GRB14: variants seen among roughly 807,000 people sequenced by gnomAD.
The protein encoded by GRB14 is growth factor receptor bound protein 14, also known as growth factor receptor-bound protein 14.
A neutral mutation model predicts 69.1 loss-of-function variants in GRB14; 38 were observed. The observed-to-expected ratio is 0.55, with a 90% CI of 0.42 to 0.72. GRB14 has a LOEUF of 0.72. GRB14 is among the 30% of genes least tolerant of loss of function. The probability of loss-of-function intolerance (pLI) is 0.00; values close to 1 mark genes in which losing one functional copy is unlikely to be tolerated. For synonymous variants in GRB14, 247 were observed against 241.3 expected, an observed-to-expected ratio of 1.02 and a Z score of -0.22; for missense variants, 666 against 666.1, an observed-to-expected ratio of 1.00 and a Z score of 0.00.
intron 2 of GRB14, among the ~76,000 whole-genome samples, chr2:164,564,661 T>G (rs1157535901): frequency 2.0e-5 from 3 of 152,192 alleles, no homozygotes; most frequent in Non-Finnish European, 4.4e-5. Context: ...TGTGTGCTTA[T>G]GAACATCTCC....
At chr2:164,524,064 C>T (rs1687704441) in intron 5 of GRB14, among the ~76,000 whole-genome samples, 1 of 151,932 alleles carries the variant, frequency 6.6e-6, no homozygotes. Context: ...AATCATGTTT[C>T]AAAAATATTC....
intron 2 of GRB14, among the ~76,000 whole-genome samples, chr2:164,571,078 C>G (rs1689112566): frequency 6.6e-6 from 1 of 152,208 alleles, no homozygotes. Flanking sequence ...ATACTTAAGA[C>G]AGGTGGAATC....
At chr2:164,548,527 A>G (rs1688445050) in intron 2 of GRB14, among the ~76,000 whole-genome samples, 1 of 152,184 alleles carries the variant, frequency 6.6e-6, no homozygotes, top group South Asian at 2.1e-4. Context: ...ATGGGAGTGC[A>G]GGCATCTCTG....
intron 2 of GRB14, among the ~76,000 whole-genome samples, chr2:164,599,935 C>T (rs771557126): frequency 6.6e-6 from 1 of 152,062 alleles, no homozygotes; most frequent in African/African-American, 2.4e-5. Flanking sequence ...TGCGAAAACA[C>T]GAAGAAACCA....
chr2:164,522,540 T>G (rs907902515), intron 5 of GRB14, among the ~76,000 whole-genome samples: 1 of 152,156 alleles, frequency 6.6e-6, no homozygotes, highest in Non-Finnish European at 1.5e-5. Flanking sequence ...TTCATCGTTT[T>G]CCATGGTTTT....
At chr2:164,585,453 A>C (rs978142765) in intron 2 of GRB14, among the ~76,000 whole-genome samples, 1 of 152,158 alleles carries the variant, frequency 6.6e-6, no homozygotes, top group Admixed American at 6.5e-5. Context: ...CAGGAAATAG[A>C]CTGAAAGCTG....
intron 3 of GRB14, among the ~76,000 whole-genome samples, chr2:164,542,205 TG>T (rs1688259122): frequency 6.6e-6 from 1 of 152,082 alleles, no homozygotes; most frequent in Non-Finnish European, 1.5e-5. Context: ...TAAATGGTAT[TG>T]GGAAAACTGG....
intron 2 of GRB14, among the ~76,000 whole-genome samples, chr2:164,619,006 C>T (rs1690376430): frequency 6.6e-6 from 1 of 152,126 alleles, no homozygotes; most frequent in African/African-American, 2.4e-5. Context: ...TTTTCCCCTC[C>T]AAATGTACAG....
chr2:164,597,143 C>A (rs1383091689), intron 2 of GRB14, among the ~76,000 whole-genome samples: 1 of 151,996 alleles, frequency 6.6e-6, no homozygotes, highest in African/African-American at 2.4e-5. Context: ...CAGTGAAACA[C>A]GATCAGTAAA....
At chr2:164,507,728 C>G (rs908298473) in intron 8 of GRB14, among the ~76,000 whole-genome samples, 4 of 151,188 alleles carry the variant, frequency 2.6e-5, no homozygotes, top group African/African-American at 9.8e-5. Flanking sequence ...ACTGTGACTA[C>G]CAAATCAGTA....
At chr2:164,616,287 G>C (rs563030971) in intron 2 of GRB14, among the ~76,000 whole-genome samples, 1 of 151,850 alleles carries the variant, frequency 6.6e-6, no homozygotes. Context: ...TTAGCTGGGC[G>C]TGGTGGCAGG....
At chr2:164,592,052 G>A (rs1442904002) in intron 2 of GRB14, among the ~76,000 whole-genome samples, 4 of 152,122 alleles carry the variant, frequency 2.6e-5, no homozygotes, top group African/African-American at 7.2e-5. Flanking sequence ...CCATGATTGC[G>A]AGGCCTCTCT....
At position 164,572,788 on chromosome 2, in the gene GRB14, T is replaced by A. The variant is rs147826682; in HGVS notation, c.325-24972A>T. On this transcript the variant is annotated intron_variant, in intron 2 of 13. Transcript: ENST00000263915. ...CCATCTCAGTGTCTATCTGACTGTA[T>A]AAAGCCCCCAGTGGCTTTATACAGA... 5.6e-3 allele frequency among the ~76,000 whole-genome samples: 853 copies of A among 152,278 alleles called. 2 individuals are homozygous for A. The highest frequency in any genetic ancestry group is 0.02 in the African/African-American group (823 of 41,556).
At chr2:164,503,397 C>G (rs931490386) in intron 8 of GRB14, among the ~76,000 whole-genome samples, 2 of 134,326 alleles carry the variant, frequency 1.5e-5, no homozygotes, top group Non-Finnish European at 3.0e-5. Context: ...AATAGTCATT[C>G]CCTTAAAAGC....
chr2:164,497,015 C>G lies in GRB14; in HGVS notation c.1375G>C (p.Val459Leu), dbSNP rs1246734111. The stretch of plus-strand genomic sequence containing the variant: ...TAAAAATACCAAACTTACCCATCCA[C>G]AAGTCCTTGCTGAATAATCAATCGC... ...AQRLIIQQGL[V>L]DGVFLVRDSQ... Residue 459 changes from valine (V) to leucine (L), a missense_variant, in exon 12 of 14, where the codon GTG becomes CTG. Physicochemically the swap from Val to Leu is conservative, Grantham distance 32 (BLOSUM62 1). Coordinates refer to ENST00000263915, the MANE Select transcript of GRB14 (RefSeq NM_004490.3). 1 of 1,613,500 alleles carries G rather than the reference C, an allele frequency of 6.2e-7. No individual in the cohort carries two copies.
At chr2:164,568,438 T>C (rs1689039368) in intron 2 of GRB14, 1 of 1,246,264 alleles carries the variant, frequency 8.0e-7, no homozygotes, top group Admixed American at 2.7e-5. Context: ...AGAAATCTTT[T>C]ATGGTTACTC....
At chr2:164,616,146 G>A (rs775018193) in intron 2 of GRB14, among the ~76,000 whole-genome samples, 6 of 151,914 alleles carry the variant, frequency 3.9e-5, no homozygotes, top group African/African-American at 9.7e-5. Flanking sequence ...GAATTCTCGC[G>A]GGGCACAGGG....
At chr2:164,546,352 A>G (rs1044898954) in intron 3 of GRB14, among the ~76,000 whole-genome samples, 1 of 152,194 alleles carries the variant, frequency 6.6e-6, no homozygotes, top group African/African-American at 2.4e-5. Flanking sequence ...AATCTTCACC[A>G]TAGGATCTAT....
intron 2 of GRB14, among the ~76,000 whole-genome samples, chr2:164,606,582 T>G (rs1247956542): frequency 6.6e-6 from 1 of 152,096 alleles, no homozygotes; most frequent in East Asian, 1.9e-4. Context: ...GCAGGCATGG[T>G]TTTGTAAAGG....
Sources: gnomAD v4.1 joint callset for allele counts (sites outside exome capture counted in the v4.1 genomes callset) on GRCh38, gnomAD v4.1.1 for gene constraint, MANE v1.5 for transcripts, NCBI Gene and HGNC (gene_info 2026-07-23, HGNC 2026-07-21) for gene names.